The following PIEZO1 variants were observed in gnomAD, a reference collection of about 807,000 sequenced individuals.
PIEZO1 encodes the protein piezo type mechanosensitive ion channel component 1 (Er blood group), also known as piezo-type mechanosensitive ion channel component 1.
In PIEZO1, 296 loss-of-function variants were observed where a neutral mutation model predicts 297.2. The ratio of observed to expected loss-of-function variants is 1.00; its 90% CI spans 0.91 to 1.10. PIEZO1 has a LOEUF of 1.10. Ranked by LOEUF, PIEZO1 falls within the 50% of genes least tolerant of loss-of-function variation. PIEZO1 has a pLI of 0.00. For missense variants in PIEZO1, 5,018 were observed against 3,455.5 expected (o/e 1.45, Z -11.34); for synonymous variants, 2,427 against 1,507.5 (o/e 1.61, Z -14.13).
At chr16:88,769,504 G>A (rs1907325296) in intron 1 of PIEZO1, among the ~76,000 whole-genome samples, 1 of 152,342 alleles carries the variant, frequency 6.6e-6, no homozygotes, top group Admixed American at 6.5e-5. Flanking sequence ...AGACAGACCT[G>A]CGGAACGCCT....
intron 4 of PIEZO1, 153 bp downstream of exon 4, chr16:88,741,900 G>A: frequency 2.9e-6 from 1 of 341,600 alleles, no homozygotes; most frequent in South Asian, 3.6e-5. Context: ...GGGTCTCCAG[G>A]TGTGGGTGGG....
At chr16:88,774,105 G>T (rs981440641) in intron 1 of PIEZO1, among the ~76,000 whole-genome samples, 26 of 152,214 alleles carry the variant, frequency 1.7e-4, no homozygotes, top group African/African-American at 6.0e-4. Context: ...CGGTCACCAG[G>T]CAGGGCTGGG....
intron 1 of PIEZO1, among the ~76,000 whole-genome samples, chr16:88,769,537 C>T (rs1229087310): frequency 6.6e-6 from 1 of 152,214 alleles, no homozygotes; most frequent in Admixed American, 6.5e-5. Context: ...AGCTGTGGGA[C>T]CGGTCCCGCC....
intron 1 of PIEZO1, among the ~76,000 whole-genome samples, chr16:88,776,306 C>A (rs1051454125): frequency 6.6e-6 from 1 of 152,050 alleles, no homozygotes; most frequent in Admixed American, 6.5e-5. Flanking sequence ...TGGTGGTGGG[C>A]GCCTGTAGTC....
At chr16:88,757,329 G>T (rs868179464) in intron 1 of PIEZO1, among the ~76,000 whole-genome samples, 7 of 126,952 alleles carry the variant, frequency 5.5e-5, no homozygotes, top group East Asian at 4.4e-4. Flanking sequence ...CGGGGGGGTG[G>T]GGGGTAGTTA....
intron 1 of PIEZO1, among the ~76,000 whole-genome samples, chr16:88,783,738 A>T (rs1311286920): frequency 6.6e-6 from 1 of 152,158 alleles, no homozygotes; most frequent in Non-Finnish European, 1.5e-5. Context: ...CTCCAGCCTC[A>T]ATGGTTTTCA....
chr16:88,752,288 G>C (rs1183972708), intron 1 of PIEZO1, among the ~76,000 whole-genome samples: 1 of 152,004 alleles, frequency 6.6e-6, no homozygotes, highest in Non-Finnish European at 1.5e-5. Context: ...TTCGAGACCA[G>C]ACCAGGCAAC....
At position 88,738,601 on chromosome 16, in the gene PIEZO1, G is replaced by T. The variant is rs924417840; in HGVS notation, c.601C>A (p.Arg201=). 136 of 1,535,452 alleles carry T rather than the reference G, an allele frequency of 8.9e-5. No homozygotes were observed. Among genetic ancestry groups the T allele is most frequent in the Non-Finnish European group, 1.2e-4 (133 of 1,146,710 alleles). ...GCAAGCAGTGTTACGGCCAGGACCC[G>T]CCCAGCCGCCACCAGCAGCCAGTGG... The part of the protein sequence containing the change: ...TAHWLLVAAG[R]VLAVTLLALA... The change falls in exon 6 of 51, where the codon CGG becomes AGG. Residue 201 remains arginine, a synonymous_variant. Transcript: ENST00000301015.
Position 88,726,907 on chromosome 16 carries a change from C to T in PIEZO1, c.3507G>A (p.Leu1169=). 6.4e-7 allele frequency: 1 copy of T among 1,550,454 alleles called. No homozygotes were observed. The highest frequency in any genetic ancestry group is 2.0e-5 in the Admixed American group (1 of 51,016). ...CCGTGACAAACACCACCACCAGCAC[C>T]AGCCAGAACAGGTATCGGAAGACGG... ...KVAVFRYLFW[L]VLVVVFVTGA... is the part of the protein sequence containing the mutation. Residue 1169 remains leucine, a synonymous_variant, in exon 25 of 51, where the codon CTG becomes CTA. Transcript: ENST00000301015.
Position 88,727,079 on chromosome 16 carries a change from G to T in PIEZO1, c.3415C>A (p.Arg1139=). 6.5e-7 allele frequency: 1 copy of T among 1,549,576 alleles called. No homozygotes were observed. Among genetic ancestry groups the T allele is most frequent in the Non-Finnish European group, 8.7e-7 (1 of 1,146,394 alleles). Residue 1139 remains arginine (R), a synonymous_variant, in exon 24 of 51, where the codon CGG becomes AGG. Coordinates refer to ENST00000301015, the MANE Select transcript of PIEZO1 (RefSeq NM_001142864.4). ...TTGGGCACGGGGTTGGGCTCCCCCC[G>T]CAGCGGCTCCAGGCGGTCGGTGTTG... ...GVNTDRLEPL[R]GEPNPVPNFI...
rs1912283368 is a variant in PIEZO1, at chr16:88,719,611, T to G, written c.6434A>C (p.Asn2145Thr). 1.3e-6 allele frequency: 2 copies of G among 1,551,920 alleles called. No homozygotes were observed. Among genetic ancestry groups the G allele is most frequent in the Non-Finnish European group, 1.7e-6 (2 of 1,147,652 alleles). Residue 2145 changes from asparagine to threonine, a missense_variant, in exon 44 of 51, where the codon AAC becomes ACC. Asn to Thr is a moderately conservative substitution (Grantham distance 65). Transcript: ENST00000301015. Reference sequence around the variant, plus strand: ...TCGGCTGCATTTGATGATGAAGATGTTGGCATAGATGTCCTCCACACACAT... The same window carrying G: ...TCGGCTGCATTTGATGATGAAGATGGTGGCATAGATGTCCTCCACACACAT... Reference protein sequence around the residue: ...SWMCVEDIYANIFIIKCSRET... With the variant: ...SWMCVEDIYATIFIIKCSRET...
At position 88,720,646 on chromosome 16, in the gene PIEZO1, C is replaced by G; in HGVS notation, c.5771G>C (p.Gly1924Ala). Residue 1924 changes from glycine (G) to alanine (A), a missense_variant, in exon 40 of 51, where the codon GGG becomes GCG. Transcript: ENST00000301015. ...CAGGCAGAAGCCCTGCAGCCGCCGCCCGGCCGCCCTTACTCTTCCTCCAGA... is the reference window on the plus strand; with the variant it reads ...CAGGCAGAAGCCCTGCAGCCGCCGCGCGGCCGCCCTTACTCTTCCTCCAGA... ...SRSGGRVRAAGRRLQGFCLSL... is the reference protein window; with the variant it reads ...SRSGGRVRAAARRLQGFCLSL... 6.5e-7 allele frequency: 1 copy of G among 1,547,628 alleles called. No homozygotes were observed. Among genetic ancestry groups the G allele is most frequent in the Non-Finnish European group, 8.7e-7 (1 of 1,145,890 alleles).
At chr16:88,740,204 C>T (rs1366767611) in intron 5 of PIEZO1, 1 of 152,294 alleles carries the variant, frequency 6.6e-6, no homozygotes, top group African/African-American at 2.4e-5. Flanking sequence ...GTGAGGGTCG[C>T]CCGGGGGCCC....
Position 88,722,567 on chromosome 16 carries a change from T to G in PIEZO1, c.4775+16A>C. The G allele has an allele frequency of 6.7e-7, 1 of 1,493,076 alleles. No individual in the cohort carries two copies. The highest frequency in any genetic ancestry group is 1.2e-5 in the South Asian group (1 of 81,642). The allele number at this position is 1,493,076 out of a possible 1,614,324, so 92.5% of individuals were successfully genotyped here. The stretch of plus-strand genomic sequence containing the variant: ...CCAGGGGCAGCAGCTGGGGCTCGGG[T>G]CACCCCCGCACCTACCTGGACACGG... On this transcript the variant is annotated intron_variant, in intron 35 of 50. Transcript: ENST00000301015.
rs769506340 is a variant in PIEZO1, at chr16:88,731,795, C to A, written c.3107G>T (p.Arg1036Leu). ...GAAGAGGCAGTAGTTGGGCCAGAGGCGGGCAATGGCCTGGCGGTGCCTGCG... is the reference window on the plus strand; with the variant it reads ...GAAGAGGCAGTAGTTGGGCCAGAGGAGGGCAATGGCCTGGCGGTGCCTGCG... The part of the protein sequence containing the change: ...LTRRHRQAIA[R>L]LWPNYCLFLA... Residue 1036 changes from arginine to leucine, a missense_variant, in exon 22 of 51, where the codon CGC becomes CTC. By Grantham distance (102) the Arg-to-Leu change is moderately radical (BLOSUM62 -2). Coordinates refer to ENST00000301015, the MANE Select transcript of PIEZO1 (RefSeq NM_001142864.4). The A allele has an allele frequency of 1.3e-6, 2 of 1,548,908 alleles. No individual in the cohort carries two copies. The highest frequency in any genetic ancestry group is 2.8e-5 in the African/African-American group (2 of 72,556).
rs376833179 is a variant in PIEZO1, at chr16:88,722,778, A to C, written c.4668+59T>G. Reference sequence around the variant, plus strand: ...CAGTGGGCGCGGGACTAGGCTGTTAAGCAGGCAGGGGCGTAGTCAGGCAGA... The same window carrying C: ...CAGTGGGCGCGGGACTAGGCTGTTACGCAGGCAGGGGCGTAGTCAGGCAGA... On this transcript the variant is annotated intron_variant, in intron 34 of 50. Coordinates refer to ENST00000301015, the MANE Select transcript of PIEZO1 (RefSeq NM_001142864.4). 143 of 1,531,144 alleles carry C rather than the reference A, an allele frequency of 9.3e-5. 1 individual carries two copies. The African/African-American group carries it at 1.1e-3, about 11-fold the overall frequency. 94.8% of individuals were successfully genotyped at this position (1,531,144 alleles called of 1,614,324 possible). A position where few individuals can be genotyped will look rare whatever the true frequency, so the allele number is the denominator to read the frequency against.
chr16:88,779,845 G>A lies in PIEZO1; in HGVS notation c.64+5056C>T, dbSNP rs1472795306. On this transcript the variant is annotated intron_variant, in intron 1 of 50. Transcript: ENST00000301015. ...CCACCGCGGCACTCAGCGCAGCTGG[G>A]AAAGCCTGTGTTGCGGGTCTCCTGG... 3.9e-5 allele frequency among the ~76,000 whole-genome samples: 6 copies of A among 152,354 alleles called. No individual in the cohort carries two copies. The South Asian group carries it at 1.2e-3, about 32-fold the overall frequency.
chr16:88,726,574 C>A lies in PIEZO1; in HGVS notation c.3769G>T (p.Val1257Leu). ...TCATAGTAGCCCTTGACGGTGCATA[C>A]AAGGCTGAAGAGCTGGATGACCCAG... ...FCWVIQLFSL[V>L]CTVKGYYDPK... The change falls in exon 26 of 51, where the codon GTA (valine) becomes TTA (leucine). Residue 1257 changes from valine (V) to leucine (L), a missense_variant. By Grantham distance (32) the Val-to-Leu change is conservative. Coordinates refer to ENST00000301015, the MANE Select transcript of PIEZO1 (RefSeq NM_001142864.4). 2 of 1,550,096 alleles carry A rather than the reference C, an allele frequency of 1.3e-6. No homozygotes were observed. The highest frequency in any genetic ancestry group is 1.7e-6 in the Non-Finnish European group (2 of 1,146,876).
chr16:88,755,210 C>T (rs1023202175), intron 1 of PIEZO1, among the ~76,000 whole-genome samples: 3 of 152,208 alleles, frequency 2.0e-5, no homozygotes, highest in African/African-American at 4.8e-5. Context: ...CAGCCGCCCC[C>T]GCCGCCCCCG....
Sources: allele counts gnomAD v4.1 joint callset (sites outside exome capture counted in the v4.1 genomes callset), GRCh38; gene constraint gnomAD v4.1.1; transcripts MANE v1.5; gene names NCBI Gene and HGNC (gene_info 2026-07-23, HGNC 2026-07-21).